The following PDE4C variants were observed in gnomAD, a reference collection of about 807,000 sequenced individuals.
The protein encoded by PDE4C is 3',5'-cyclic-AMP phosphodiesterase 4C.
Under a neutral mutation model 63.9 loss-of-function variants are expected in PDE4C, and 50 were observed. The ratio of observed to expected loss-of-function variants is 0.78; its 90% CI spans 0.62 to 0.99. PDE4C has a LOEUF of 0.99. PDE4C is among the 50% of genes least tolerant of loss of function. The probability of loss-of-function intolerance (pLI) is 0.00; values close to 1 mark genes in which losing one functional copy is unlikely to be tolerated. For missense variants in PDE4C, 777 were observed against 899.1 expected (o/e 0.86, Z 1.74); for synonymous variants, 377 against 385.1 (o/e 0.98, Z 0.25).
chr19:18,221,211 AG>A, intron 3 of PDE4C, 33 bp from the exon 4 acceptor site: 1 of 1,544,888 alleles, frequency 6.5e-7, no homozygotes, highest in Non-Finnish European at 8.7e-7. Flanking sequence ...GGTGGGAAGG[AG>A]AGGCCGGATC....
exon 8 of PDE4C, chr19:18,219,314 G>C (rs1313040483): frequency 9.3e-6 from 15 of 1,614,014 alleles, no homozygotes; most frequent in Non-Finnish European, 1.3e-5. Flanking sequence ...CTGTGGCAGA[G>C]CCCATGTAGG....
At chr19:18,222,219 C>A (rs767854993) in exon 2 of PDE4C, 1 of 1,614,042 alleles carries the variant, frequency 6.2e-7, no homozygotes, top group Non-Finnish European at 8.5e-7. Context: ...GGACTCGCGC[C>A]GCTGGCTGTG....
upstream of PDE4C, among the ~76,000 whole-genome samples, chr19:18,235,281 C>T (rs1045052163): frequency 3.9e-5 from 6 of 152,294 alleles, no homozygotes; most frequent in African/African-American, 1.4e-4. Context: ...AGTGATTATC[C>T]TGCCTCAGTC....
intron 1 of PDE4C, among the ~76,000 whole-genome samples, chr19:18,224,981 A>G (rs923745394): frequency 6.6e-6 from 1 of 152,214 alleles, no homozygotes. Context: ...GCGTCTGTGG[A>G]CAAATAGGGA....
intron 1 of PDE4C, among the ~76,000 whole-genome samples, chr19:18,223,595 C>T (rs1159556959): frequency 6.6e-6 from 1 of 152,022 alleles, no homozygotes; most frequent in African/African-American, 2.4e-5. Context: ...CTGCCCGCCT[C>T]GGCCTACCAA....
At chr19:18,231,182 C>T (rs1431331442), upstream of PDE4C, among the ~76,000 whole-genome samples, 1 of 152,208 alleles carries the variant, frequency 6.6e-6, no homozygotes, top group Non-Finnish European at 1.5e-5. Flanking sequence ...CTGGGGTGAA[C>T]CCCTACCCTC....
intron 11 of PDE4C, among the ~76,000 whole-genome samples, chr19:18,217,934 C>T (rs569016930): frequency 6.6e-6 from 1 of 152,156 alleles, no homozygotes; most frequent in Non-Finnish European, 1.5e-5. Context: ...GGAACCAGAT[C>T]AGCTCTGCCA....
chr19:18,247,305 T>C (rs1969149437), intron 1 of PDE4C, among the ~76,000 whole-genome samples: 1 of 152,078 alleles, frequency 6.6e-6, no homozygotes, highest in Non-Finnish European at 1.5e-5. Flanking sequence ...TCTTTTTTTT[T>C]TGGTGGTGGG....
chr19:18,231,744 T>C (rs1968852338), intron 1 of PDE4C, among the ~76,000 whole-genome samples: 1 of 151,942 alleles, frequency 6.6e-6, no homozygotes, highest in East Asian at 1.9e-4. Flanking sequence ...GGGCTTGGAG[T>C]TCCTGGACCC....
chr19:18,238,400 T>G (rs1053435630), upstream of PDE4C, among the ~76,000 whole-genome samples: 1 of 151,804 alleles, frequency 6.6e-6, no homozygotes, highest in Non-Finnish European at 1.5e-5. Flanking sequence ...CACGCCTGGC[T>G]AATTTTTTGG....
intron 8 of PDE4C, 64 bp from the exon 9 acceptor site, chr19:18,219,102 C>T: frequency 6.4e-7 from 1 of 1,573,976 alleles, no homozygotes; most frequent in Non-Finnish European, 8.7e-7. Flanking sequence ...CTAGAGCCTC[C>T]ATCCTCCCAC....
upstream of PDE4C, among the ~76,000 whole-genome samples, chr19:18,235,719 G>A (rs1232549713): frequency 1.3e-5 from 2 of 151,916 alleles, no homozygotes; most frequent in Non-Finnish European, 2.9e-5. Flanking sequence ...ACTCTCCAGG[G>A]CACCCCATGA....
intron 1 of PDE4C, among the ~76,000 whole-genome samples, chr19:18,222,651 C>A (rs1189861240): frequency 1.3e-5 from 1 of 77,940 alleles, no homozygotes; most frequent in African/African-American, 4.6e-5. Context: ...TTTTCTTTCT[C>A]GTTCTTTCTC....
At chr19:18,219,259 G>A in exon 8 of PDE4C, 6 of 1,614,182 alleles carry the variant, frequency 3.7e-6, no homozygotes, top group Non-Finnish European at 5.1e-6. Context: ...CTCCTGGTCA[G>A]TCTGGACCCC....
chr19:18,210,914 C>A (rs1298800245), exon 15 of PDE4C: 2 of 1,575,446 alleles, frequency 1.3e-6, no homozygotes, highest in South Asian at 2.4e-5. Flanking sequence ...CCCTGCAGTT[C>A]ACGCAGGGCT....
chr19:18,233,444 G>A, exon 1 of PDE4C: 1 of 674,398 alleles, frequency 1.5e-6, no homozygotes. Flanking sequence ...AGGGGGTGTT[G>A]AAGCTAGGGG....
intron 1 of PDE4C, among the ~76,000 whole-genome samples, chr19:18,223,472 A>G (rs1170945597): frequency 6.6e-6 from 1 of 151,928 alleles, no homozygotes; most frequent in Non-Finnish European, 1.5e-5. Context: ...GGCCTCCCAA[A>G]GTGCTGGGAT....
chr19:18,244,039 T>C (rs977516419), intron 1 of PDE4C, among the ~76,000 whole-genome samples: 6 of 151,852 alleles, frequency 4.0e-5, no homozygotes, highest in Middle Eastern at 3.4e-3. Context: ...TTTTATTTTT[T>C]ATTTTTTTAT....
chr19:18,221,058 C>CCCCCCCCCCCCCCCCCCCATG, intron 4 of PDE4C, 47 bp downstream of exon 4: 1 of 1,221,610 alleles, frequency 8.2e-7, no homozygotes, highest in Non-Finnish European at 1.2e-6. Context: ...TTCCGCCCAC[C>CCCCCCCCCCCCCCCCCCCATG]TTGTCTCTGC....
Sources: allele counts gnomAD v4.1 joint callset (sites outside exome capture counted in the v4.1 genomes callset), GRCh38; gene constraint gnomAD v4.1.1; transcripts MANE v1.5; gene names NCBI Gene and HGNC (gene_info 2026-07-23, HGNC 2026-07-21).